Variants in TBPL2 observed in about 807,000 individuals in gnomAD.
TBPL2 encodes the protein TATA box-binding protein-like 2.
TBPL2 carries 40 observed loss-of-function variants against 38.2 expected under a neutral mutation model. That is an observed-to-expected ratio of 1.05 (90% CI 0.81 to 1.36). TBPL2 has a LOEUF of 1.36. Ranked by LOEUF, TBPL2 falls within the 40% of genes most tolerant of loss-of-function variation. The pLI is 0.00. For missense variants in TBPL2, 461 were observed against 456.7 expected (o/e 1.01, Z -0.09); for synonymous variants, 169 against 171.7 (o/e 0.98, Z 0.12).
Position 55,427,880 on chromosome 14 carries a change from CTTT to C in TBPL2, c.956+924_956+926del, listed in dbSNP as rs551473740. Reference sequence around the variant, plus strand: ...ATAGGGGACAAACTAGTTAGGATTGCTTTTTTTTTTTTTTTTTTGAGACGGAGT... The same window carrying C: ...ATAGGGGACAAACTAGTTAGGATTGCTTTTTTTTTTTTTTTGAGACGGAGT... On this transcript the variant is annotated intron_variant, in intron 5 of 6. Transcript: ENST00000247219. 1.9e-4 allele frequency among the ~76,000 whole-genome samples: 25 copies of C among 130,876 alleles called. No homozygotes were observed. The South Asian group carries it at 4.2e-3, about 22-fold the overall frequency. 85.9% of individuals were successfully genotyped at this position (130,876 alleles called of 152,430 possible). A position where few individuals can be genotyped will look rare whatever the true frequency, so the allele number is the denominator to read the frequency against.
chr14:55,422,970 T>C (rs536068092), intron 6 of TBPL2, among the ~76,000 whole-genome samples: 1 of 151,880 alleles, frequency 6.6e-6, no homozygotes, highest in East Asian at 1.9e-4. Context: ...TATGCAAAAA[T>C]TATTTAAAAA....
intron 3 of TBPL2, among the ~76,000 whole-genome samples, chr14:55,434,886 C>T (rs1406643263): frequency 6.6e-6 from 1 of 152,116 alleles, no homozygotes; most frequent in Non-Finnish European, 1.5e-5. Flanking sequence ...ACCACCTAAG[C>T]CAGTGAACTT....
chr14:55,421,257 G>A (rs548615650), intron 6 of TBPL2, among the ~76,000 whole-genome samples: 48 of 147,318 alleles, frequency 3.3e-4, no homozygotes, highest in African/African-American at 1.2e-3. Flanking sequence ...GTTTCCCTAA[G>A]TAGGGTATGT....
chr14:55,417,485 G>T (rs763555496), intron 6 of TBPL2, among the ~76,000 whole-genome samples: 10 of 131,640 alleles, frequency 7.6e-5, no homozygotes, highest in African/African-American at 5.8e-5. Context: ...AAAAAGTCTC[G>T]CTCGGTCACC....
At chr14:55,417,658 C>T (rs568983510) in intron 6 of TBPL2, among the ~76,000 whole-genome samples, 191 of 152,166 alleles carry the variant, frequency 1.3e-3, no homozygotes, top group African/African-American at 4.2e-3. Flanking sequence ...ATGGGGGTCT[C>T]GCTATGTTGC....
At chr14:55,424,339 A>G in intron 5 of TBPL2, 86 bp from the exon 6 acceptor site, 1 of 791,370 alleles carries the variant, frequency 1.3e-6, no homozygotes, top group Non-Finnish European at 2.1e-6. Flanking sequence ...ATTAAAGTGC[A>G]TATTAAAGCA....
At chr14:55,424,472 T>G (rs1240937710) in intron 5 of TBPL2, among the ~76,000 whole-genome samples, 1 of 152,198 alleles carries the variant, frequency 6.6e-6, no homozygotes, top group East Asian at 1.9e-4. Context: ...ATAACACAAG[T>G]GCAAGCTATC....
intron 5 of TBPL2, among the ~76,000 whole-genome samples, chr14:55,426,275 A>T (rs1885820911): frequency 6.6e-6 from 1 of 151,868 alleles, no homozygotes; most frequent in South Asian, 2.1e-4. Flanking sequence ...CTCAAAAAAA[A>T]AAAATAAATA....
chr14:55,434,320 G>C lies in TBPL2; in HGVS notation c.697-599C>G, dbSNP rs114294303. ...CATTCAAGACCAGCAGCATCAGCAA[G>C]CCCTGCAGGTGAGGCTGACACTCGT... On this transcript the variant is annotated intron_variant, in intron 3 of 6. Coordinates refer to ENST00000247219, the Ensembl canonical transcript of TBPL2. Among the ~76,000 whole-genome samples the C allele has an allele frequency of 6.6e-3, 1,009 of 152,298 alleles. 14 individuals are homozygous for C. The highest frequency in any genetic ancestry group is 0.023 in the African/African-American group (960 of 41,560).
chr14:55,426,125 G>A (rs1465473934), intron 5 of TBPL2, among the ~76,000 whole-genome samples: 1 of 151,868 alleles, frequency 6.6e-6, no homozygotes, highest in African/African-American at 2.4e-5. Flanking sequence ...AAATTAGCCG[G>A]GTGTGGTGGT....
intron 1 of TBPL2, 21 bp downstream of exon 1, chr14:55,440,375 G>A: frequency 6.2e-7 from 1 of 1,612,852 alleles, no homozygotes; most frequent in Non-Finnish European, 8.5e-7. Context: ...CCTGACTCTG[G>A]GACAGTGGCG....
At chr14:55,425,629 C>T (rs1005936399) in intron 5 of TBPL2, among the ~76,000 whole-genome samples, 2 of 152,118 alleles carry the variant, frequency 1.3e-5, no homozygotes, top group Admixed American at 6.6e-5. Flanking sequence ...TTGAGAATAT[C>T]GAACACCTGC....
At position 55,436,887 on chromosome 14, in the gene TBPL2, G is replaced by T; in HGVS notation, c.282C>A (p.Phe94Leu). The change falls in exon 2 of 7, where the codon TTC (phenylalanine) becomes TTA (leucine). Residue 94 changes from phenylalanine to leucine, a missense_variant. By Grantham distance (22) the Phe-to-Leu change is conservative (BLOSUM62 0). Transcript: ENST00000247219. ...GTAGGAAGCTAAGATCCACAGATGA[G>T]AAATCACCAGATGTTTCTTTGACTT... 6.2e-7 allele frequency: 1 copy of T among 1,614,232 alleles called. No individual in the cohort carries two copies. Among genetic ancestry groups the T allele is most frequent in the African/African-American group, 1.3e-5 (1 of 75,068 alleles).
chr14:55,420,860 C>G (rs1362664208), intron 6 of TBPL2, among the ~76,000 whole-genome samples: 1 of 151,880 alleles, frequency 6.6e-6, no homozygotes, highest in Non-Finnish European at 1.5e-5. Context: ...GAGATCGAGA[C>G]CATCCTGGCC....
At chr14:55,425,309 A>G (rs993559378) in intron 5 of TBPL2, among the ~76,000 whole-genome samples, 2 of 152,124 alleles carry the variant, frequency 1.3e-5, no homozygotes, top group Admixed American at 6.5e-5. Flanking sequence ...CACTAGGGGG[A>G]GCCCTGAAAA....
rs146877910 is a variant in TBPL2, at chr14:55,419,216, C to T, written c.1052-4761G>A. ...GGCTCCTCACATGCCTGTTGCCCTG[C>T]GGCACACACAGCTGCTTGATATCGT... On this transcript the variant is annotated intron_variant, in intron 6 of 6. Transcript: ENST00000247219. 4.9e-4 allele frequency among the ~76,000 whole-genome samples: 75 copies of T among 152,312 alleles called. No homozygotes were observed. The Middle Eastern group carries it at 0.01, about 21-fold the overall frequency.
At chr14:55,422,094 C>T (rs1456665167) in intron 6 of TBPL2, among the ~76,000 whole-genome samples, 1 of 152,030 alleles carries the variant, frequency 6.6e-6, no homozygotes, top group Non-Finnish European at 1.5e-5. Context: ...ATAGGATAAA[C>T]CTAGAGCAAA....
At chr14:55,424,056 C>T (rs374497864) in intron 6 of TBPL2, 103 bp downstream of exon 6, 2 of 766,986 alleles carry the variant, frequency 2.6e-6, no homozygotes, top group African/African-American at 3.5e-5. Flanking sequence ...TTCTGTATAA[C>T]AAGAATTACT....
exon 2 of TBPL2, chr14:55,436,981 G>A (rs765898729): frequency 3.1e-6 from 5 of 1,614,208 alleles, no homozygotes; most frequent in Middle Eastern, 1.6e-4. Flanking sequence ...AGGTACAACT[G>A]GGCTGAACAG....
Sources: allele counts gnomAD v4.1 joint callset (sites outside exome capture counted in the v4.1 genomes callset), GRCh38; gene constraint gnomAD v4.1.1; transcripts MANE v1.5; gene names NCBI Gene and HGNC (gene_info 2026-07-23, HGNC 2026-07-21).